Variants in MYB observed in about 807,000 individuals in gnomAD.
The protein encoded by MYB is MYB proto-oncogene, transcription factor, also known as transcriptional activator Myb.
In MYB, 28 loss-of-function variants were observed where a neutral mutation model predicts 92.9. The ratio of observed to expected loss-of-function variants is 0.30; its 90% confidence interval spans 0.22 to 0.41. MYB has a LOEUF of 0.41. MYB is among the 10% of genes least tolerant of loss of function. MYB has a pLI of 1.00. For missense variants in MYB, 679 were observed against 929.3 expected (o/e 0.73, Z 3.50); for synonymous variants, 295 against 329.1 (o/e 0.90, Z 1.12).
intron 15 of MYB, chr6:135,203,969 A>C: frequency 9.7e-7 from 1 of 1,033,264 alleles, no homozygotes. Context: ...TAAGAATGCA[A>C]ATTTTGCTTC....
At chr6:135,197,386 T>C in intron 10 of MYB, 63 bp downstream of exon 10, 1 of 1,320,846 alleles carries the variant, frequency 7.6e-7, no homozygotes, top group South Asian at 1.4e-5. Context: ...CTTAATAATC[T>C]AGAAACTAAT....
At chr6:135,196,915 A>G (rs1562377279) in intron 9 of MYB, 46 bp from the exon 10 acceptor site, 1 of 1,591,756 alleles carries the variant, frequency 6.3e-7, no homozygotes, top group South Asian at 1.1e-5. Context: ...TCAGGTGATG[A>G]TGGCACACAC....
In MYB at chr6:135,197,490, T is replaced by C. The variant is rs1174101711; in HGVS notation, c.1566+167T>C. ...CTAAGTTATACTGCCTCCCAAAGTT[T>C]AGGCTGTCTGCAGGCTAACTGTTGA... On this transcript the variant is annotated intron_variant, in intron 10 of 15. Transcript: ENST00000341911. 2.6e-5 allele frequency among the ~76,000 whole-genome samples: 4 copies of C among 152,004 alleles called. No individual in the cohort carries two copies. In the East Asian group the frequency reaches 7.7e-4, roughly 29 times the overall value.
intron 1 of MYB, among the ~76,000 whole-genome samples, chr6:135,185,059 C>CT (rs1226897660): frequency 3.3e-5 from 5 of 152,114 alleles, no homozygotes; most frequent in African/African-American, 1.2e-4. Context: ...AAATCCATGG[C>CT]TTTTTTCTGG....
At chr6:135,183,872 T>C (rs943123471) in intron 1 of MYB, among the ~76,000 whole-genome samples, 4 of 152,130 alleles carry the variant, frequency 2.6e-5, no homozygotes, top group African/African-American at 7.2e-5. Context: ...ACCTTAGAAA[T>C]AGGATCCAAG....
intron 9 of MYB, 52 bp downstream of exon 9, chr6:135,196,054 A>G: frequency 6.4e-7 from 1 of 1,568,730 alleles, no homozygotes; most frequent in Non-Finnish European, 8.7e-7. Context: ...AAATTAGAAA[A>G]CCCATTTCTT....
In MYB at chr6:135,184,611, A is replaced by G. The variant is rs530709558; in HGVS notation, c.24-1292A>G. On this transcript the variant is annotated intron_variant, in intron 1 of 15. Coordinates refer to ENST00000341911, the MANE Select transcript of MYB (RefSeq NM_001130173.2). Reference sequence around the variant, plus strand: ...TAGCTTTAAATTATGAGAACCCCCAATTCAGGATTTTTGGTAAGCACTTCA... The same window carrying G: ...TAGCTTTAAATTATGAGAACCCCCAGTTCAGGATTTTTGGTAAGCACTTCA... 8.7e-4 allele frequency among the ~76,000 whole-genome samples: 133 copies of G among 152,272 alleles called. 1 individual carries two copies. Among genetic ancestry groups the G allele is most frequent in the Non-Finnish European group, 3.1e-4 (21 of 68,018 alleles).
At chr6:135,194,026 G>C in intron 7 of MYB, 108 bp downstream of exon 7, 1 of 867,720 alleles carries the variant, frequency 1.2e-6, no homozygotes, top group African/African-American at 1.6e-5. Flanking sequence ...AAAGGAAAGG[G>C]AACATGGAGA....
Position 135,218,021 on chromosome 6 carries a change from A to G in MYB, c.*41A>G, listed in dbSNP as rs202144270. 4.7e-4 allele frequency: 684 copies of G among 1,450,998 alleles called. 1 individual carries two copies. The highest frequency in any genetic ancestry group is 6.2e-4 in the Non-Finnish European group (644 of 1,031,828). The allele number at this position is 1,450,998 out of a possible 1,614,324, so 89.9% of individuals were successfully genotyped here. A position where few individuals can be genotyped will look rare whatever the true frequency, so the allele number is the denominator to read the frequency against. On this transcript the variant is annotated 3_prime_UTR_variant, in exon 16 of 16. Transcript: ENST00000341911. ...GCATTATGGTTTTCAGAACACTTCA[A>G]GTTGACTTGGGATATATCATTCCTC...
At chr6:135,208,455 C>T (rs1779277320) in intron 15 of MYB, among the ~76,000 whole-genome samples, 1 of 151,940 alleles carries the variant, frequency 6.6e-6, no homozygotes, top group South Asian at 2.1e-4. Flanking sequence ...GATCATGGCT[C>T]ACTGCAGCCT....
At chr6:135,187,811 A>G in intron 2 of MYB, 23 bp from the exon 3 acceptor site, 2 of 1,547,438 alleles carry the variant, frequency 1.3e-6, no homozygotes, top group Non-Finnish European at 1.8e-6. Context: ...CTGATATCCT[A>G]GGATTACCTT....
At chr6:135,191,802 G>C (rs1217417637) in intron 5 of MYB, among the ~76,000 whole-genome samples, 2 of 152,132 alleles carry the variant, frequency 1.3e-5, no homozygotes, top group Non-Finnish European at 1.5e-5. Context: ...CAATTGGGGT[G>C]GCTTTCAAAG....
chr6:135,182,621 C>G lies in MYB; in HGVS notation c.23+1085C>G, dbSNP rs911203228. 1.3e-5 allele frequency among the ~76,000 whole-genome samples: 2 copies of G among 152,228 alleles called. No individual in the cohort carries two copies. The highest frequency in any genetic ancestry group is 2.9e-5 in the Non-Finnish European group (2 of 68,022). On this transcript the variant is annotated intron_variant, in intron 1 of 15. Coordinates refer to ENST00000341911, the MANE Select transcript of MYB (RefSeq NM_001130173.2). The surrounding 1 kb of genome is among the most constrained non-coding windows in gnomAD (Gnocchi z 5.6). Reference sequence around the variant, plus strand: ...CTCCTTCAGCCGCCTTAGGTCGCCCCGGCCGAGGCGCGGTGACCGGACAGA... The same window carrying G: ...CTCCTTCAGCCGCCTTAGGTCGCCCGGGCCGAGGCGCGGTGACCGGACAGA...
chr6:135,199,547 C>T, intron 11 of MYB: 1 of 1,071,676 alleles, frequency 9.3e-7, no homozygotes, highest in Non-Finnish European at 1.1e-6. Context: ...TCTGACATCC[C>T]CAGGAATATT....
Position 135,197,179 on chromosome 6 carries a change from A to C in MYB, c.1422A>C (p.Thr474=), listed in dbSNP as rs1489451146. 8.1e-6 allele frequency: 13 copies of C among 1,613,982 alleles called. No individual in the cohort carries two copies. The highest frequency in any genetic ancestry group is 1.1e-5 in the Non-Finnish European group (13 of 1,179,880). ...TCTTACCTCCTGCAAGGCACAGCACAATTCCACTGGTCATCCTTCGAAAAA... is the reference window on the plus strand; with the variant it reads ...TCTTACCTCCTGCAAGGCACAGCACCATTCCACTGGTCATCCTTCGAAAAA... ...PKVLPPARHS[T]IPLVILRKKR... is the part of the protein sequence containing the mutation. Residue 474 remains threonine, a synonymous_variant, in exon 10 of 16, where the codon ACA becomes ACC. Transcript: ENST00000341911.
In MYB at chr6:135,219,012, C is replaced by G. The variant is rs1178303207; in HGVS notation, c.*1032C>G. The G allele has an allele frequency of 1.3e-5, 3 of 224,670 alleles. No individual in the cohort carries two copies. Among genetic ancestry groups the G allele is most frequent in the Non-Finnish European group, 2.7e-5 (3 of 112,360 alleles). 13.9% of individuals were successfully genotyped at this position (224,670 alleles called of 1,614,324 possible). ...TAAGTGTATGGTCTCAGAACTGTTG[C>G]ATGGATCCTGTGTTTGCAACTGGGG... On this transcript the variant is annotated 3_prime_UTR_variant, in exon 16 of 16. Transcript: ENST00000341911.
intron 3 of MYB, among the ~76,000 whole-genome samples, chr6:135,188,659 G>A (rs906640905): frequency 6.6e-5 from 10 of 151,802 alleles, no homozygotes; most frequent in African/African-American, 1.2e-4. Context: ...ACAGGTGCCC[G>A]CCACCATGCC....
Position 135,183,012 on chromosome 6 carries a change from T to G in MYB, c.23+1476T>G, listed in dbSNP as rs868867119. Among the ~76,000 whole-genome samples the G allele has an allele frequency of 2.9e-3, 420 of 146,826 alleles. 2 individuals carry two copies. Among genetic ancestry groups the G allele is most frequent in the South Asian group, 0.023 (103 of 4,574 alleles). ...ACAGCTACCGGGGTCATCTGTTTTTTTTTTTTTTTTTTTTTTCGAGAGCTG... is the reference window on the plus strand; with the variant it reads ...ACAGCTACCGGGGTCATCTGTTTTTGTTTTTTTTTTTTTTTTCGAGAGCTG... On this transcript the variant is annotated intron_variant, in intron 1 of 15. Coordinates refer to ENST00000341911, the MANE Select transcript of MYB (RefSeq NM_001130173.2).
chr6:135,198,211 G>A (rs1345471966), intron 10 of MYB, among the ~76,000 whole-genome samples: 1 of 152,178 alleles, frequency 6.6e-6, no homozygotes, highest in East Asian at 1.9e-4. Context: ...GGAAGCTAAG[G>A]CAAGAGGATT....
Sources: gnomAD v4.1 joint callset for allele counts (sites outside exome capture counted in the v4.1 genomes callset) on GRCh38, gnomAD v4.1.1 for gene constraint, Gnocchi (gnomAD v3.1) non-coding constraint, MANE v1.5 for transcripts, NCBI Gene and HGNC (gene_info 2026-07-23, HGNC 2026-07-21) for gene names.